The following DENND6A variants were observed in gnomAD, a reference collection of about 807,000 sequenced individuals.
The protein encoded by DENND6A is DENN domain containing 6A.
DENND6A carries 43 observed loss-of-function variants against 95.5 expected under a neutral mutation model. The ratio of observed to expected loss-of-function variants is 0.45; its 90% CI spans 0.35 to 0.58. DENND6A has a LOEUF of 0.58. Among genes scored for constraint, DENND6A ranks in the 20% least tolerant of loss-of-function variants. DENND6A has a pLI of 0.00. For missense variants in DENND6A, 574 were observed against 736.0 expected, an observed-to-expected ratio of 0.78 and a Z score of 2.55; for synonymous variants, 257 against 260.4, an observed-to-expected ratio of 0.99 and a Z score of 0.13.
At position 57,646,349 on chromosome 3, in the gene DENND6A, G is replaced by A. The variant is rs772698872; in HGVS notation, c.908C>T (p.Ser303Leu). ...TGCCAATACAGTCTCTGATGATTCCGATGGTGATGGCGCCATAACCACAAG... is the reference window on the plus strand; with the variant it reads ...TGCCAATACAGTCTCTGATGATTCCAATGGTGATGGCGCCATAACCACAAG... ...EPLVVMAPSP[S>L]ESSETVLALV... The change falls in exon 10 of 20, where the codon TCG (serine) becomes TTG (leucine). Residue 303 changes from serine (S) to leucine (L), a missense_variant. By Grantham distance (145) the Ser-to-Leu change is moderately radical. Around this residue, in one of 2 missense-constraint regions of DENND6A, gnomAD observed 452 missense variants for 630.9 expected, o/e 0.72. Coordinates refer to ENST00000311128, the MANE Select transcript of DENND6A (RefSeq NM_152678.3). 9 of 1,613,728 alleles carry A rather than the reference G, an allele frequency of 5.6e-6. No homozygotes were observed. Among genetic ancestry groups the A allele is most frequent in the East Asian group, 2.2e-5 (1 of 44,870 alleles).
intron 6 of DENND6A, 64 bp from the exon 7 acceptor site, chr3:57,660,903 C>A: frequency 7.1e-7 from 1 of 1,398,866 alleles, no homozygotes; most frequent in Non-Finnish European, 9.6e-7. Flanking sequence ...AAAAATGAGG[C>A]ATTAGAAATA....
At chr3:57,642,687 G>T (rs561218524) in intron 11 of DENND6A, among the ~76,000 whole-genome samples, 1 of 152,082 alleles carries the variant, frequency 6.6e-6, no homozygotes, top group Admixed American at 6.6e-5. Flanking sequence ...GAGGAATGCC[G>T]CATGAAAGAA....
intron 1 of DENND6A, among the ~76,000 whole-genome samples, chr3:57,673,929 C>A (rs1446742378): frequency 6.6e-6 from 1 of 152,064 alleles, no homozygotes; most frequent in Non-Finnish European, 1.5e-5. Flanking sequence ...GCCACCACAC[C>A]CAGCCAATTT....
At position 57,646,478 on chromosome 3, in the gene DENND6A, C is replaced by A. The variant is rs573386284; in HGVS notation, c.819-40G>T. ...ACAGTAGAAATACTTTTTAATGTAG[C>A]CAATCCTGTTTTTAAAATTCCTACA... On this transcript the variant is annotated intron_variant, in intron 9 of 19. Coordinates refer to ENST00000311128, the MANE Select transcript of DENND6A (RefSeq NM_152678.3). 9.0e-6 allele frequency: 14 copies of A among 1,558,394 alleles called. No homozygotes were observed. The African/African-American group carries it at 1.5e-4, about 17-fold the overall frequency.
chr3:57,628,177 T>C lies in DENND6A; in HGVS notation c.*37A>G. ...GTTGAAATGTCAGTATGCTTCATGA[T>C]GCATAATCCTTTTTGGCTGGAAAAT... On this transcript the variant is annotated 3_prime_UTR_variant, in exon 20 of 20. Transcript: ENST00000311128. 1.3e-6 allele frequency: 2 copies of C among 1,599,016 alleles called. No individual in the cohort carries two copies. Among genetic ancestry groups the C allele is most frequent in the South Asian group, 2.2e-5 (2 of 88,954 alleles).
At chr3:57,692,229 CAAAAA>C (rs11303769) in intron 1 of DENND6A, among the ~76,000 whole-genome samples, 10 of 72,872 alleles carry the variant, frequency 1.4e-4, no homozygotes, top group African/African-American at 5.3e-4. Flanking sequence ...AACTCCGTCT[CAAAAA>C]AAAAAAAAAA....
At position 57,666,241 on chromosome 3, in the gene DENND6A, G is replaced by A; in HGVS notation, c.320-6C>T. The A allele has an allele frequency of 1.3e-6, 2 of 1,598,584 alleles. No individual in the cohort carries two copies. The highest frequency in any genetic ancestry group is 1.7e-6 in the Non-Finnish European group (2 of 1,169,134). Reference sequence around the variant, plus strand: ...CTGGGTATCTCCAAGACAACCTAATGAAAATAAAAATGAAATAAATTAAGG... The same window carrying A: ...CTGGGTATCTCCAAGACAACCTAATAAAAATAAAAATGAAATAAATTAAGG... On this transcript the variant is annotated splice_region_variant and splice_polypyrimidine_tract_variant and intron_variant, in intron 3 of 19. Coordinates refer to ENST00000311128, the MANE Select transcript of DENND6A (RefSeq NM_152678.3).
chr3:57,692,985 C>T lies in DENND6A; in HGVS notation c.34G>A (p.Gly12Ser), dbSNP rs1232303474. 4.6e-6 allele frequency: 7 copies of T among 1,520,946 alleles called. No individual in the cohort carries two copies. The South Asian group carries it at 4.9e-5, about 11-fold the overall frequency. 94.2% of individuals were successfully genotyped at this position (1,520,946 alleles called of 1,614,324 possible). ...GCTTCGTCCAACGGCCTTCGAGAGC[C>T]GGGCCCCAAGCCCGCAGGGCCCCTC... ...ALRGPAGLGP[G>S]SRRPLDEAVA... is the part of the protein sequence containing the mutation. Residue 12 changes from glycine (G) to serine (S), a missense_variant, in exon 1 of 20, where the codon GGC becomes AGC. Gly to Ser is a moderately conservative substitution (Grantham distance 56). This residue lies in a region of DENND6A where 122 missense variants were observed against 105.1 expected (regional missense o/e 1.16). Transcript: ENST00000311128.
At chr3:57,682,779 G>A (rs2077178257) in intron 1 of DENND6A, among the ~76,000 whole-genome samples, 1 of 152,082 alleles carries the variant, frequency 6.6e-6, no homozygotes, top group African/African-American at 2.4e-5. Context: ...AAGTTCAAGC[G>A]ATTCTGCTGC....
intron 11 of DENND6A, among the ~76,000 whole-genome samples, chr3:57,644,744 G>A (rs1575826679): frequency 1.4e-4 from 1 of 6,968 alleles, no homozygotes; most frequent in Non-Finnish European, 2.6e-4. Context: ...GGGAGGGGAG[G>A]GGTGGGGAGG....
At chr3:57,667,993 T>C (rs1179347969) in intron 3 of DENND6A, among the ~76,000 whole-genome samples, 1 of 151,758 alleles carries the variant, frequency 6.6e-6, no homozygotes, top group Non-Finnish European at 1.5e-5. Flanking sequence ...TTGAACACAG[T>C]AGGCAGAGGT....
chr3:57,687,279 A>G (rs1345781398), intron 1 of DENND6A, among the ~76,000 whole-genome samples: 2 of 152,240 alleles, frequency 1.3e-5, no homozygotes, highest in Non-Finnish European at 2.9e-5. Flanking sequence ...TAGAAGAGCA[A>G]ACCAGCTAGA....
intron 9 of DENND6A, among the ~76,000 whole-genome samples, chr3:57,654,145 C>T (rs1448806597): frequency 1.2e-4 from 18 of 149,870 alleles, no homozygotes; most frequent in Non-Finnish European, 2.4e-4. Context: ...TTAGTAGAGA[C>T]GGGGTTTCAC....
chr3:57,645,323 T>C (rs955328924), intron 11 of DENND6A, among the ~76,000 whole-genome samples: 7 of 151,920 alleles, frequency 4.6e-5, no homozygotes, highest in Middle Eastern at 3.4e-3. Flanking sequence ...TAGCCGGGCG[T>C]GGTGGCGCAT....
intron 12 of DENND6A, among the ~76,000 whole-genome samples, chr3:57,635,388 T>A (rs1301251932): frequency 6.6e-6 from 1 of 152,076 alleles, no homozygotes; most frequent in African/African-American, 2.4e-5. Flanking sequence ...CAGGCCCTGG[T>A]CTTAGGGTCA....
At chr3:57,682,053 T>C (rs2153417234) in intron 1 of DENND6A, among the ~76,000 whole-genome samples, 1 of 152,272 alleles carries the variant, frequency 6.6e-6, no homozygotes, top group Middle Eastern at 3.4e-3. Context: ...CATAAAATCA[T>C]AGTCTCTCTC....
At chr3:57,649,399 G>T (rs1575832161) in intron 9 of DENND6A, among the ~76,000 whole-genome samples, 1 of 151,980 alleles carries the variant, frequency 6.6e-6, no homozygotes, top group Non-Finnish European at 1.5e-5. Context: ...CTTTTACACT[G>T]TTGGTAGAAA....
chr3:57,651,931 G>A (rs1023563645), intron 9 of DENND6A, among the ~76,000 whole-genome samples: 3 of 152,154 alleles, frequency 2.0e-5, no homozygotes, highest in African/African-American at 7.2e-5. Flanking sequence ...TGTCCAGGCT[G>A]TGCATGGTGG....
At chr3:57,666,344 T>C (rs1175284881) in intron 3 of DENND6A, 109 bp from the exon 4 acceptor site, 3 of 879,446 alleles carry the variant, frequency 3.4e-6, no homozygotes, top group Non-Finnish European at 5.1e-6. Context: ...TAACCCATTC[T>C]GTCATGTTTT....
Sources: gnomAD v4.1 joint callset for allele counts (sites outside exome capture counted in the v4.1 genomes callset) on GRCh38, gnomAD v4.1.1 for gene constraint, gnomAD v4.1.1 regional missense constraint, MANE v1.5 for transcripts, NCBI Gene and HGNC (gene_info 2026-07-23, HGNC 2026-07-21) for gene names.